The following SYTL3 variants were observed in gnomAD, a reference collection of about 807,000 sequenced individuals.
SYTL3 encodes synaptotagmin like 3, also known as synaptotagmin-like protein 3.
SYTL3 carries 88 observed loss-of-function variants against 82.1 expected under a neutral mutation model. The ratio of observed to expected loss-of-function variants is 1.07; its 90% CI spans 0.90 to 1.28. The LOEUF (loss-of-function observed/expected upper bound fraction) is 1.28. Among genes scored for constraint, SYTL3 ranks in the 50% most tolerant of loss-of-function variants. The probability of loss-of-function intolerance (pLI) is 0.00; values close to 1 mark genes in which losing one functional copy is unlikely to be tolerated. For synonymous variants in SYTL3, 311 were observed against 289.4 expected (o/e 1.07, Z -0.76); for missense variants, 831 against 757.6 (o/e 1.10, Z -1.14).
At chr6:158,712,759 C>CTTTTTTTTT (rs56677894) in intron 8 of SYTL3, among the ~76,000 whole-genome samples, 1 of 127,660 alleles carries the variant, frequency 7.8e-6, no homozygotes. Flanking sequence ...TTCTTTCTTT[C>CTTTTTTTTT]TTTTTTTTTT....
At chr6:158,741,226 C>T (rs541973867) in intron 11 of SYTL3, among the ~76,000 whole-genome samples, 17 of 152,254 alleles carry the variant, frequency 1.1e-4, no homozygotes, top group South Asian at 4.2e-4. Context: ...TGCACCACCG[C>T]GCTCAGCTAA....
intron 5 of SYTL3, among the ~76,000 whole-genome samples, chr6:158,669,365 C>T (rs1418249437): frequency 6.6e-6 from 1 of 152,188 alleles, no homozygotes; most frequent in African/African-American, 2.4e-5. Context: ...TTTGTAATTG[C>T]TGTGACAACA....
intron 12 of SYTL3, among the ~76,000 whole-genome samples, chr6:158,746,450 A>ATTATTATTATTATTATTATTAT (rs1554263734): frequency 4.7e-5 from 3 of 63,688 alleles, no homozygotes; most frequent in South Asian, 4.4e-4. Context: ...TATAATAATA[A>ATTATTATTATTATTATTATTAT]TAATAATAAT....
At chr6:158,735,256 A>G (rs1785998967) in intron 11 of SYTL3, among the ~76,000 whole-genome samples, 1 of 152,158 alleles carries the variant, frequency 6.6e-6, no homozygotes, top group Non-Finnish European at 1.5e-5. Context: ...TAACAGCCCC[A>G]TCAGTGGCAT....
At chr6:158,761,271 G>A (rs1789885306) in intron 15 of SYTL3, among the ~76,000 whole-genome samples, 1 of 151,404 alleles carries the variant, frequency 6.6e-6, no homozygotes, top group South Asian at 2.1e-4. Flanking sequence ...GGAGGAGGGC[G>A]GGGAAGGAGG....
rs61736356 is a variant in SYTL3 at position 158,718,151 on chromosome 6, G to C, written c.660G>C (p.Gln220His). ...EKHLLATGPR[Q>H]CVGQTERRSQ... ...ATCTTCTCGCCACGGGCCCCAGGCA[G>C]TGTGTGGGACAGACAGAGAGACGGA... Residue 220 changes from glutamine (Q) to histidine (H), a missense_variant, in exon 10 of 18, where the codon CAG becomes CAC. By Grantham distance (24) the Gln-to-His change is conservative. Transcript: ENST00000611299. The C allele has an allele frequency of 3.8e-4, 581 of 1,547,280 alleles. 1 individual carries two copies. In the African/African-American group the frequency reaches 7.4e-3, roughly 20 times the overall value.
At chr6:158,675,297 A>C (rs894088913) in intron 5 of SYTL3, among the ~76,000 whole-genome samples, 4 of 152,148 alleles carry the variant, frequency 2.6e-5, no homozygotes, top group Non-Finnish European at 5.9e-5. Flanking sequence ...AGGTTAAGCA[A>C]GGGAGAGTTA....
intron 6 of SYTL3, among the ~76,000 whole-genome samples, chr6:158,686,844 G>A (rs1489811551): frequency 6.6e-6 from 1 of 152,126 alleles, no homozygotes; most frequent in African/African-American, 2.4e-5. Flanking sequence ...GACACAGGTC[G>A]GAAGGAAGGC....
chr6:158,693,504 C>T (rs1780146005), intron 6 of SYTL3, among the ~76,000 whole-genome samples: 1 of 152,170 alleles, frequency 6.6e-6, no homozygotes, highest in African/African-American at 2.4e-5. Flanking sequence ...CCTATCTCAG[C>T]CTCCTGAGTA....
chr6:158,699,877 G>A (rs757213931), intron 6 of SYTL3, among the ~76,000 whole-genome samples: 4 of 152,032 alleles, frequency 2.6e-5, no homozygotes, highest in African/African-American at 7.3e-5. Context: ...AACCAGGGGC[G>A]CGAAGGTTGT....
chr6:158,723,486 C>G (rs1484547553), intron 10 of SYTL3, among the ~76,000 whole-genome samples: 1 of 152,180 alleles, frequency 6.6e-6, no homozygotes, highest in African/African-American at 2.4e-5. Context: ...TTCCAGCACT[C>G]TTGCCAACAT....
intron 11 of SYTL3, among the ~76,000 whole-genome samples, chr6:158,727,690 T>TC (rs1491097729): frequency 1.9e-4 from 6 of 32,152 alleles, no homozygotes; most frequent in Non-Finnish European, 3.5e-4. Flanking sequence ...CCAAGTACTC[T>TC]TTTTTTTTTT....
At chr6:158,761,297 A>ATTTCT (rs1462326246) in intron 15 of SYTL3, among the ~76,000 whole-genome samples, 1 of 71,822 alleles carries the variant, frequency 1.4e-5, no homozygotes, top group Non-Finnish European at 2.9e-5. Context: ...GAGAATGCAC[A>ATTTCT]TTTCTTTTTT....
intron 4 of SYTL3, among the ~76,000 whole-genome samples, chr6:158,664,024 T>C (rs317796): frequency 0.1 from 15,487 of 152,178 alleles, 924 homozygotes; most frequent in Non-Finnish European, 0.14. Flanking sequence ...AGCAGAGCAG[T>C]GTTCCGCCTT....
intron 7 of SYTL3, 78 bp downstream of exon 7, chr6:158,707,359 T>G: frequency 8.0e-7 from 1 of 1,255,034 alleles, no homozygotes; most frequent in Non-Finnish European, 1.1e-6. Context: ...AACTTATAGG[T>G]CTCTTGACTT....
chr6:158,677,314 C>T (rs1009157932), intron 5 of SYTL3, among the ~76,000 whole-genome samples: 1 of 152,082 alleles, frequency 6.6e-6, no homozygotes, highest in Non-Finnish European at 1.5e-5. Context: ...GGACAAAAAA[C>T]CAAACACCGC....
intron 5 of SYTL3, among the ~76,000 whole-genome samples, chr6:158,678,665 AAG>A (rs1183472908): frequency 6.6e-6 from 1 of 152,356 alleles, no homozygotes; most frequent in East Asian, 1.9e-4. Context: ...GAAGTTTATT[AAG>A]AGCCATCTAG....
chr6:158,706,350 C>T (rs1192103017), intron 6 of SYTL3, among the ~76,000 whole-genome samples: 1 of 152,184 alleles, frequency 6.6e-6, no homozygotes, highest in Non-Finnish European at 1.5e-5. Flanking sequence ...TATTTGCCCT[C>T]CCAAAGGCCA....
intron 2 of SYTL3, among the ~76,000 whole-genome samples, chr6:158,653,575 T>G (rs759608407): frequency 6.6e-6 from 1 of 152,026 alleles, no homozygotes; most frequent in Non-Finnish European, 1.5e-5. Flanking sequence ...TCAAGGACAA[T>G]GCAGTCACTC....
Sources: allele counts gnomAD v4.1 joint callset (sites outside exome capture counted in the v4.1 genomes callset), GRCh38; gene constraint gnomAD v4.1.1; transcripts MANE v1.5; gene names NCBI Gene and HGNC (gene_info 2026-07-23, HGNC 2026-07-21).